Variants in DCDC1 observed in about 807,000 individuals in gnomAD.
DCDC1 encodes doublecortin domain-containing protein 1.
Under a neutral mutation model 178.3 loss-of-function variants are expected in DCDC1, and 200 were observed. That is an observed-to-expected ratio of 1.12 (90% CI 1.00 to 1.26). DCDC1 has a LOEUF of 1.26. Ranked by LOEUF, DCDC1 falls within the 50% of genes most tolerant of loss-of-function variation. DCDC1 has a pLI of 0.00. For missense variants in DCDC1, 1,983 were observed against 1,749.2 expected, an observed-to-expected ratio of 1.13 and a Z score of -2.38; for synonymous variants, 690 against 604.8, an observed-to-expected ratio of 1.14 and a Z score of -2.07.
chr11:30,908,343 G>A (rs960675217), intron 29 of DCDC1, among the ~76,000 whole-genome samples: 1 of 152,130 alleles, frequency 6.6e-6, no homozygotes, highest in African/African-American at 2.4e-5. Flanking sequence ...ACCCCATTAA[G>A]GGGCATTCAA....
intron 1 of DCDC1, among the ~76,000 whole-genome samples, chr11:31,368,832 T>C (rs12789381): frequency 0.29 from 43,491 of 151,942 alleles, 6,346 homozygotes; most frequent in African/African-American, 0.32. Flanking sequence ...GTAGTTTTCA[T>C]CTCCAGGTAC....
intron 20 of DCDC1, among the ~76,000 whole-genome samples, chr11:30,977,702 G>C (rs993830358): frequency 6.6e-6 from 1 of 152,120 alleles, no homozygotes. Context: ...GGCCAAGGTG[G>C]GCAGATTGCC....
rs1001269836 is a variant in DCDC1 at position 30,903,376 on chromosome 11, A to G, written c.4510+106T>C. The G allele has an allele frequency of 7.8e-6, 9 of 1,160,268 alleles. 1 individual carries two copies. The highest frequency in any genetic ancestry group is 5.0e-5 in the South Asian group (2 of 39,714). 71.9% of individuals were successfully genotyped at this position (1,160,268 alleles called of 1,614,324 possible). ...CTTCGGGTCACAAAAGTAGCTTCCT[A>G]TGATTTTGAAATTCTGAAAAAACTG... On this transcript the variant is annotated intron_variant, in intron 32 of 38. Transcript: ENST00000684477.
At chr11:31,078,007 C>T in intron 17 of DCDC1, 82 bp from the exon 18 acceptor site, 1 of 720,978 alleles carries the variant, frequency 1.4e-6, no homozygotes, top group South Asian at 1.5e-5. Flanking sequence ...GATCATTTTC[C>T]AGATAGCCTG....
chr11:31,014,007 T>A (rs1199299407), intron 20 of DCDC1, among the ~76,000 whole-genome samples: 2 of 152,168 alleles, frequency 1.3e-5, no homozygotes. Context: ...CCTTGTCTAG[T>A]TCCCTCCTAG....
intron 1 of DCDC1, among the ~76,000 whole-genome samples, chr11:31,347,198 T>C (rs1021908920): frequency 8.5e-5 from 13 of 152,166 alleles, no homozygotes; most frequent in African/African-American, 2.9e-4. Context: ...CCCAGGTAAA[T>C]TGGGACTTGC....
intron 9 of DCDC1, among the ~76,000 whole-genome samples, chr11:31,236,685 C>A (rs1001289417): frequency 2.0e-5 from 3 of 151,802 alleles, no homozygotes; most frequent in Non-Finnish European, 4.4e-5. Flanking sequence ...CTACAAACAA[C>A]CTAATATTCT....
chr11:31,137,439 T>C (rs1238629714), intron 10 of DCDC1, among the ~76,000 whole-genome samples: 8 of 149,322 alleles, frequency 5.4e-5, no homozygotes, highest in African/African-American at 2.0e-4. Flanking sequence ...AACCTCTGCC[T>C]CCCGGGTTCA....
chr11:30,875,571 T>C (rs1050322022), intron 38 of DCDC1, among the ~76,000 whole-genome samples: 4 of 151,334 alleles, frequency 2.6e-5, no homozygotes, highest in Non-Finnish European at 5.9e-5. Flanking sequence ...GCTGCCATGG[T>C]GAATCACAAA....
intron 9 of DCDC1, among the ~76,000 whole-genome samples, chr11:31,212,590 A>C (rs1486741570): frequency 1.3e-5 from 2 of 152,192 alleles, no homozygotes; most frequent in Non-Finnish European, 2.9e-5. Flanking sequence ...CTTCACTACT[A>C]ATGAATTAAC....
At chr11:31,291,848 A>G (rs922740775) in intron 6 of DCDC1, among the ~76,000 whole-genome samples, 3 of 152,060 alleles carry the variant, frequency 2.0e-5, no homozygotes, top group African/African-American at 7.2e-5. Flanking sequence ...TTTCTCTGTT[A>G]GCACTCACCT....
chr11:31,173,195 G>A (rs755897223), intron 9 of DCDC1, among the ~76,000 whole-genome samples: 2 of 152,086 alleles, frequency 1.3e-5, no homozygotes, highest in Admixed American at 6.5e-5. Flanking sequence ...GAAAATCAAA[G>A]AAAGTAAATT....
intron 20 of DCDC1, among the ~76,000 whole-genome samples, chr11:31,051,782 A>C (rs893586103): frequency 7.9e-5 from 12 of 152,230 alleles, no homozygotes; most frequent in African/African-American, 2.9e-4. Context: ...TGGTGAGAGA[A>C]TTCGCCATTA....
chr11:30,923,727 G>A (rs1342265044), intron 23 of DCDC1, among the ~76,000 whole-genome samples: 2 of 151,584 alleles, frequency 1.3e-5, no homozygotes, highest in Admixed American at 6.6e-5. Context: ...CGTGATTCTC[G>A]TGCCTCAGCC....
chr11:31,021,040 T>A (rs1028236135), intron 20 of DCDC1, among the ~76,000 whole-genome samples: 2 of 152,242 alleles, frequency 1.3e-5, no homozygotes, highest in Non-Finnish European at 2.9e-5. Context: ...CCATTTTTTT[T>A]AATCTTGCCA....
intron 3 of DCDC1, among the ~76,000 whole-genome samples, chr11:31,310,479 C>T (rs1948710185): frequency 6.6e-6 from 1 of 151,700 alleles, no homozygotes; most frequent in African/African-American, 2.4e-5. Context: ...CAACCACGCC[C>T]AGCTGAATTT....
chr11:30,925,885 T>G (rs1472053127), intron 22 of DCDC1, among the ~76,000 whole-genome samples: 2 of 152,088 alleles, frequency 1.3e-5, no homozygotes, highest in Non-Finnish European at 2.9e-5. Flanking sequence ...GTTCCTCAGC[T>G]CCCTCCACCA....
chr11:31,194,852 A>G (rs1237977232), intron 9 of DCDC1, among the ~76,000 whole-genome samples: 1 of 152,124 alleles, frequency 6.6e-6, no homozygotes, highest in Non-Finnish European at 1.5e-5. Flanking sequence ...TAAATGTTCC[A>G]AAGGGCATTC....
chr11:31,345,135 T>C (rs941667024), intron 1 of DCDC1, among the ~76,000 whole-genome samples: 2 of 152,166 alleles, frequency 1.3e-5, no homozygotes, highest in Non-Finnish European at 2.9e-5. Context: ...TATAACCTTA[T>C]GGTCAAAGGC....
Sources: allele counts gnomAD v4.1 joint callset (sites outside exome capture counted in the v4.1 genomes callset), GRCh38; gene constraint gnomAD v4.1.1; transcripts MANE v1.5; gene names NCBI Gene and HGNC (gene_info 2026-07-23, HGNC 2026-07-21).